Variants in DOCK4 observed in about 807,000 individuals in gnomAD.
DOCK4 encodes dedicator of cytokinesis 4.
Under a neutral mutation model 268.1 loss-of-function variants are expected in DOCK4, and 97 were observed. The observed-to-expected ratio is 0.36, with a 90% confidence interval of 0.31 to 0.43. DOCK4 has a LOEUF of 0.43. Among genes scored for constraint, DOCK4 ranks in the 20% least tolerant of loss-of-function variants. The probability of loss-of-function intolerance (pLI) is 1.00; values close to 1 mark genes in which losing one functional copy is unlikely to be tolerated. For synonymous variants in DOCK4, 954 were observed against 887.2 expected, an observed-to-expected ratio of 1.08 and a Z score of -1.34; for missense variants, 2,145 against 2,455.7, an observed-to-expected ratio of 0.87 and a Z score of 2.67.
rs1233979045 is a variant in DOCK4, at chr7:111,989,171, A to G, written c.316-8T>C. 2 of 1,613,782 alleles carry G rather than the reference A, an allele frequency of 1.2e-6. No individual in the cohort carries two copies. The highest frequency in any genetic ancestry group is 2.7e-5 in the African/African-American group (2 of 74,910). On this transcript the variant is annotated splice_polypyrimidine_tract_variant and splice_region_variant and intron_variant, in intron 5 of 52. Transcript: ENST00000428084. ...GAGATCGCCTTCATTACGCTAAGAA[A>G]TATACAAATGTGGAGATTTGGCAGT...
At chr7:111,872,652 AAC>A in intron 17 of DOCK4, 88 bp from the exon 18 acceptor site, 1 of 1,122,928 alleles carries the variant, frequency 8.9e-7, no homozygotes, top group South Asian at 1.6e-5. Flanking sequence ...TAAAATTCTT[AAC>A]ACATGTGGCT....
chr7:112,180,095 T>A (rs970101592), intron 1 of DOCK4, among the ~76,000 whole-genome samples: 3 of 144,516 alleles, frequency 2.1e-5, no homozygotes, highest in African/African-American at 8.1e-5. Flanking sequence ...AGCTTCAAAG[T>A]CAACTACGGT....
chr7:111,832,726 C>A (rs1802935226), intron 26 of DOCK4, among the ~76,000 whole-genome samples: 1 of 152,172 alleles, frequency 6.6e-6, no homozygotes, highest in Non-Finnish European at 1.5e-5. Context: ...TGGGATTTTG[C>A]TATGTTGGCC....
chr7:111,789,559 G>C (rs1414186847), intron 31 of DOCK4, among the ~76,000 whole-genome samples: 1 of 152,128 alleles, frequency 6.6e-6, no homozygotes, highest in African/African-American at 2.4e-5. Context: ...AAAGACAAGG[G>C]GGAAGGAAAG....
intron 1 of DOCK4, among the ~76,000 whole-genome samples, chr7:112,186,074 T>A (rs1026646054): frequency 1.3e-5 from 2 of 152,222 alleles, no homozygotes; most frequent in East Asian, 3.9e-4. Flanking sequence ...CACTGGGACA[T>A]CCTCGGGGGA....
At chr7:112,085,931 A>C (rs1809044021) in intron 1 of DOCK4, among the ~76,000 whole-genome samples, 1 of 152,142 alleles carries the variant, frequency 6.6e-6, no homozygotes, top group Non-Finnish European at 1.5e-5. Flanking sequence ...AAGTCTCTGG[A>C]GCTAACAAGT....
At chr7:111,778,244 C>A (rs1019772476) in intron 36 of DOCK4, 32 bp downstream of exon 36, 5 of 1,471,292 alleles carry the variant, frequency 3.4e-6, no homozygotes, top group Non-Finnish European at 4.8e-6. Context: ...ACATCAGCTC[C>A]CTTCCCAATC....
intron 52 of DOCK4, among the ~76,000 whole-genome samples, chr7:111,731,527 G>A (rs907220769): frequency 2.3e-5 from 2 of 88,292 alleles, no homozygotes; most frequent in African/African-American, 9.2e-5. Flanking sequence ...CCTTGAAGCC[G>A]GTCTGATTCA....
chr7:111,805,420 T>C (rs1227431542), intron 30 of DOCK4, among the ~76,000 whole-genome samples: 1 of 152,222 alleles, frequency 6.6e-6, no homozygotes, highest in Non-Finnish European at 1.5e-5. Flanking sequence ...TAAAAGCACA[T>C]TTAATACTAC....
chr7:111,756,122 G>A (rs915467354), intron 41 of DOCK4, among the ~76,000 whole-genome samples: 3 of 152,136 alleles, frequency 2.0e-5, no homozygotes, highest in Non-Finnish European at 2.9e-5. Context: ...GCCAAGGCAG[G>A]CAGATCATGA....
chr7:112,109,807 G>C (rs973933714), intron 1 of DOCK4, among the ~76,000 whole-genome samples: 9 of 150,272 alleles, frequency 6.0e-5, no homozygotes, highest in Admixed American at 6.6e-5. Flanking sequence ...TGCAGTGGCG[G>C]GATCTCGGCT....
intron 1 of DOCK4, among the ~76,000 whole-genome samples, chr7:112,058,204 C>T (rs1460916881): frequency 6.6e-6 from 1 of 151,860 alleles, no homozygotes; most frequent in Non-Finnish European, 1.5e-5. Flanking sequence ...TATTTTTATT[C>T]GTTTCTCTTT....
intron 1 of DOCK4, among the ~76,000 whole-genome samples, chr7:112,019,183 C>T (rs1028034776): frequency 1.3e-5 from 2 of 152,100 alleles, no homozygotes; most frequent in East Asian, 1.9e-4. Flanking sequence ...ATATATTCAA[C>T]GTTCAAAAAT....
intron 27 of DOCK4, chr7:111,821,903 A>G (rs1168261855): frequency 6.6e-6 from 1 of 152,534 alleles, no homozygotes; most frequent in Non-Finnish European, 1.5e-5. Flanking sequence ...TGGTTAAATA[A>G]ACTATGGTAT....
At chr7:112,101,934 G>A (rs535457525) in intron 1 of DOCK4, among the ~76,000 whole-genome samples, 51 of 151,148 alleles carry the variant, frequency 3.4e-4, no homozygotes, top group Admixed American at 8.6e-4. Flanking sequence ...GCTCCGCCTC[G>A]CGGGTTCACG....
At chr7:112,150,645 T>C (rs1406468178) in intron 1 of DOCK4, among the ~76,000 whole-genome samples, 1 of 152,124 alleles carries the variant, frequency 6.6e-6, no homozygotes, top group Non-Finnish European at 1.5e-5. Context: ...TCTGCTCAGC[T>C]CATCCATTGC....
chr7:111,969,518 C>T (rs1797529661), intron 8 of DOCK4, among the ~76,000 whole-genome samples: 2 of 151,694 alleles, frequency 1.3e-5, no homozygotes, highest in Admixed American at 6.6e-5. Context: ...AAGAAACTGT[C>T]TAGAGACTAA....
intron 36 of DOCK4, among the ~76,000 whole-genome samples, chr7:111,774,664 T>C (rs1288916261): frequency 1.3e-5 from 2 of 152,158 alleles, no homozygotes. Flanking sequence ...GGAGGGTATG[T>C]GGTACAAGTG....
chr7:112,154,408 A>T (rs1017655350), intron 1 of DOCK4, among the ~76,000 whole-genome samples: 1 of 152,212 alleles, frequency 6.6e-6, no homozygotes, highest in Admixed American at 6.5e-5. Context: ...GCACAACTCC[A>T]TGCTACTTAG....
Sources: gnomAD v4.1 joint callset for allele counts (sites outside exome capture counted in the v4.1 genomes callset) on GRCh38, gnomAD v4.1.1 for gene constraint, MANE v1.5 for transcripts, NCBI Gene and HGNC (gene_info 2026-07-23, HGNC 2026-07-21) for gene names.